The following DDX10 variants were observed in gnomAD, a reference collection of about 807,000 sequenced individuals.
DDX10 encodes probable ATP-dependent RNA helicase DDX10.
In DDX10, 74 loss-of-function variants were observed where a neutral mutation model predicts 104.3. That is an observed-to-expected ratio of 0.71 (90% CI 0.59 to 0.86). The LOEUF (loss-of-function observed/expected upper bound fraction) is 0.86. Ranked by LOEUF, DDX10 falls within the 40% of genes least tolerant of loss-of-function variation. The pLI is 0.00. For missense variants in DDX10, 952 were observed against 1,040.0 expected, an observed-to-expected ratio of 0.92 and a Z score of 1.16; for synonymous variants, 351 against 353.4, an observed-to-expected ratio of 0.99 and a Z score of 0.08.
At chr11:108,863,260 T>C (rs945111955) in intron 16 of DDX10, among the ~76,000 whole-genome samples, 2 of 152,178 alleles carry the variant, frequency 1.3e-5, no homozygotes, top group African/African-American at 4.8e-5. Flanking sequence ...TTATCTTTAC[T>C]TGAGGAAATA....
rs1591109074 is a variant in DDX10, at chr11:108,882,602, TAAG to T, written c.2304+30394_2304+30396del. ...AGTTAATCCTCTATTGTGTAGATAA[TAAG>T]GTAATTTGAAACATGCTCTTAAGTT... is the stretch of plus-strand genomic sequence containing the variant. On this transcript the variant is annotated intron_variant, in intron 16 of 17. Coordinates refer to ENST00000322536, the MANE Select transcript of DDX10 (RefSeq NM_004398.4). Among the ~76,000 whole-genome samples the T allele has an allele frequency of 5.3e-5, 8 of 152,230 alleles. No homozygotes were observed. In the East Asian group the frequency reaches 1.5e-3, roughly 29 times the overall value.
intron 13 of DDX10, among the ~76,000 whole-genome samples, chr11:108,748,821 T>C (rs975943506): frequency 6.6e-6 from 1 of 152,084 alleles, no homozygotes; most frequent in Non-Finnish European, 1.5e-5. Context: ...GCTGGGACTA[T>C]AGGTACACAC....
rs1357146377 is a variant in DDX10, at chr11:108,723,168, C to T, written c.1671C>T (p.Ser557=). 2 of 1,613,778 alleles carry T rather than the reference C, an allele frequency of 1.2e-6. No homozygotes were observed. The highest frequency in any genetic ancestry group is 1.1e-5 in the South Asian group (1 of 91,046). ...EFRAYFNEKM[S]ILQKGGKRLE... ...GAGCCTACTTCAATGAGAAAATGTC[C>T]ATCCTTCAAAAAGGTGGAAAAAGAC... The change falls in exon 13 of 18, where the codon TCC becomes TCT. Residue 557 remains serine (S), a synonymous_variant. Coordinates refer to ENST00000322536, the MANE Select transcript of DDX10 (RefSeq NM_004398.4).
In DDX10 at chr11:108,830,721, T is replaced by C. The variant is rs1240170452; in HGVS notation, c.1966-7725T>C. On this transcript the variant is annotated intron_variant, in intron 13 of 17. Coordinates refer to ENST00000322536, the MANE Select transcript of DDX10 (RefSeq NM_004398.4). ...GCTTTTATTACATAGATTGGCTATG[T>C]CCCTTCTTTGCTAACTGTGCTTAGG... 5.9e-5 allele frequency among the ~76,000 whole-genome samples: 9 copies of C among 152,282 alleles called. No homozygotes were observed. The East Asian group carries it at 1.4e-3, about 23-fold the overall frequency.
At chr11:108,812,472 A>G (rs1862196055) in intron 13 of DDX10, among the ~76,000 whole-genome samples, 2 of 152,160 alleles carry the variant, frequency 1.3e-5, no homozygotes, top group African/African-American at 4.8e-5. Flanking sequence ...TTTCTGATCA[A>G]ACAATTAGAT....
intron 10 of DDX10, among the ~76,000 whole-genome samples, chr11:108,713,131 A>G (rs1299462198): frequency 6.6e-6 from 1 of 152,116 alleles, no homozygotes; most frequent in South Asian, 2.1e-4. Context: ...TGATATGCCT[A>G]GGTATAGTCT....
Position 108,675,871 on chromosome 11 carries a change from C to T in DDX10, c.378+145C>T, listed in dbSNP as rs565795075. On this transcript the variant is annotated intron_variant, in intron 3 of 17. Coordinates refer to ENST00000322536, the MANE Select transcript of DDX10 (RefSeq NM_004398.4). The stretch of plus-strand genomic sequence containing the variant: ...TGCGAGCTTCATCAAACAGGAGCCA[C>T]ATGTGTGTCTTGTTCTCACCATTTT... 36 of 1,019,600 alleles carry T rather than the reference C, an allele frequency of 3.5e-5. No homozygotes were observed. The African/African-American group carries it at 5.4e-4, about 15-fold the overall frequency. The allele number at this position is 1,019,600 out of a possible 1,614,324, so 63.2% of individuals were successfully genotyped here. A position where few individuals can be genotyped will look rare whatever the true frequency, so the allele number is the denominator to read the frequency against.
At chr11:108,809,590 T>G (rs1213413358) in intron 13 of DDX10, among the ~76,000 whole-genome samples, 1 of 152,178 alleles carries the variant, frequency 6.6e-6, no homozygotes, top group East Asian at 1.9e-4. Context: ...GGGGGAGCTA[T>G]CTCTCAATTT....
intron 9 of DDX10, 103 bp downstream of exon 9, chr11:108,693,703 C>T (rs2094255945): frequency 3.3e-6 from 3 of 919,108 alleles, no homozygotes; most frequent in Non-Finnish European, 5.3e-6. Flanking sequence ...TAAGTGAGTG[C>T]TGGTTTGGCA....
chr11:108,914,293 A>G (rs772455150), intron 16 of DDX10, among the ~76,000 whole-genome samples: 5 of 152,238 alleles, frequency 3.3e-5, no homozygotes, highest in Non-Finnish European at 5.9e-5. Context: ...ATATATTAAT[A>G]CACTTGAATA....
At chr11:108,913,950 T>G (rs958164137) in intron 16 of DDX10, among the ~76,000 whole-genome samples, 1 of 152,244 alleles carries the variant, frequency 6.6e-6, no homozygotes, top group African/African-American at 2.4e-5. Flanking sequence ...TTGGTCATTG[T>G]CATGAATTGA....
chr11:108,913,925 G>C (rs143035865), intron 16 of DDX10, among the ~76,000 whole-genome samples: 1 of 152,020 alleles, frequency 6.6e-6, no homozygotes, highest in African/African-American at 2.4e-5. Flanking sequence ...CATAATACAG[G>C]TATTCCACAT....
chr11:108,887,965 C>T (rs1327984565), intron 16 of DDX10, among the ~76,000 whole-genome samples: 1 of 151,158 alleles, frequency 6.6e-6, no homozygotes, highest in East Asian at 1.9e-4. Context: ...TTTTTCCCCC[C>T]CACTTTCTAG....
chr11:108,816,555 CTT>C (rs35878699), intron 13 of DDX10, among the ~76,000 whole-genome samples: 8 of 137,354 alleles, frequency 5.8e-5, no homozygotes, highest in African/African-American at 8.0e-5. Context: ...TAAAAATAGC[CTT>C]TTTTTTTTTT....
intron 16 of DDX10, among the ~76,000 whole-genome samples, chr11:108,892,099 C>A (rs1322496469): frequency 6.6e-6 from 1 of 152,112 alleles, no homozygotes; most frequent in Non-Finnish European, 1.5e-5. Flanking sequence ...CCCTTCAATC[C>A]TCATGTTGAA....
rs1591815903 is a variant in DDX10 at position 108,778,545 on chromosome 11, A to C, written c.1965+55083A>C. On this transcript the variant is annotated intron_variant, in intron 13 of 17. Transcript: ENST00000322536. Reference sequence around the variant, plus strand: ...TTACACCTTATACAAAAATTAATTCAAGATGGATTAAAGACTTAAATATTA... The same window carrying C: ...TTACACCTTATACAAAAATTAATTCCAGATGGATTAAAGACTTAAATATTA... Among the ~76,000 whole-genome samples, 3 of 152,238 alleles carry C rather than the reference A, an allele frequency of 2.0e-5. No individual in the cohort carries two copies. The East Asian group carries it at 5.8e-4, about 29-fold the overall frequency.
intron 13 of DDX10, among the ~76,000 whole-genome samples, chr11:108,758,535 A>C (rs2094347114): frequency 6.6e-6 from 1 of 152,236 alleles, no homozygotes; most frequent in South Asian, 2.1e-4. Flanking sequence ...GTCTTAAATG[A>C]ATCTCACTGG....
chr11:108,734,893 G>A (rs913727479), intron 13 of DDX10, among the ~76,000 whole-genome samples: 2 of 152,124 alleles, frequency 1.3e-5, no homozygotes, highest in African/African-American at 4.8e-5. Context: ...AAATATAATT[G>A]TACAACACTG....
At chr11:108,800,844 T>C (rs1285575810) in intron 13 of DDX10, among the ~76,000 whole-genome samples, 1 of 152,240 alleles carries the variant, frequency 6.6e-6, no homozygotes, top group Admixed American at 6.5e-5. Context: ...ACTTATCCTT[T>C]GAGTGTTTGA....
Sources: gnomAD v4.1 joint callset for allele counts (sites outside exome capture counted in the v4.1 genomes callset) on GRCh38, gnomAD v4.1.1 for gene constraint, MANE v1.5 for transcripts, NCBI Gene and HGNC (gene_info 2026-07-23, HGNC 2026-07-21) for gene names.